Variants in KNTC1 observed in about 807,000 individuals in gnomAD.
KNTC1 encodes the protein kinetochore associated 1, also known as kinetochore-associated protein 1.
KNTC1 carries 253 observed loss-of-function variants against 314.4 expected under a neutral mutation model. The observed-to-expected ratio is 0.80, with a 90% CI of 0.73 to 0.89. The LOEUF (loss-of-function observed/expected upper bound fraction) is 0.89. Among genes scored for constraint, KNTC1 ranks in the 40% least tolerant of loss-of-function variants. The pLI, the probability that KNTC1 is intolerant of heterozygous loss-of-function variation, is 0.00. For missense variants in KNTC1, 2,475 were observed against 2,572.9 expected (o/e 0.96, Z 0.82); for synonymous variants, 901 against 901.4 (o/e 1.00, Z 0.01).
intron 11 of KNTC1, 149 bp from the exon 12 acceptor site, chr12:122,547,766 C>CT: frequency 1.6e-6 from 1 of 608,730 alleles, no homozygotes; most frequent in South Asian, 2.2e-5. Context: ...AATACAGTGT[C>CT]TATTACATTT....
intron 10 of KNTC1, 81 bp downstream of exon 10, chr12:122,546,755 T>TTAGC: frequency 1.2e-6 from 1 of 849,440 alleles, no homozygotes; most frequent in Non-Finnish European, 1.9e-6. Context: ...GGCAAGGGTT[T>TTAGC]TAGCTAGGGT....
intron 32 of KNTC1, among the ~76,000 whole-genome samples, chr12:122,580,361 A>G (rs1201193644): frequency 6.6e-6 from 1 of 152,190 alleles, no homozygotes; most frequent in Non-Finnish European, 1.5e-5. Context: ...AGAAGCTACA[A>G]TTTACTTCAG....
chr12:122,529,614 G>T (rs1370409103), intron 1 of KNTC1, among the ~76,000 whole-genome samples: 1 of 152,040 alleles, frequency 6.6e-6, no homozygotes, highest in Non-Finnish European at 1.5e-5. Context: ...TGACAATCTG[G>T]CATCTAAACC....
At chr12:122,556,302 G>A (rs1194361440) in intron 16 of KNTC1, among the ~76,000 whole-genome samples, 2 of 150,426 alleles carry the variant, frequency 1.3e-5, no homozygotes, top group African/African-American at 2.5e-5. Context: ...ACAGGTGTGC[G>A]CCACCACGCC....
chr12:122,558,894 C>G (rs1963786004), intron 18 of KNTC1, among the ~76,000 whole-genome samples: 2 of 152,002 alleles, frequency 1.3e-5, no homozygotes. Context: ...AACAAAACCT[C>G]TATGCCATTA....
chr12:122,606,280 T>G (rs1379794697), intron 51 of KNTC1, among the ~76,000 whole-genome samples: 1 of 146,216 alleles, frequency 6.8e-6, no homozygotes, highest in Non-Finnish European at 1.5e-5. Context: ...CAGTCTGGAG[T>G]GCAGTGGCGT....
intron 45 of KNTC1, 139 bp from the exon 46 acceptor site, chr12:122,602,430 T>C (rs1258867051): frequency 2.4e-5 from 14 of 589,024 alleles, no homozygotes; most frequent in Non-Finnish European, 3.9e-5. Flanking sequence ...AAGAGAATAC[T>C]AGAAAAGGTT....
intron 48 of KNTC1, among the ~76,000 whole-genome samples, chr12:122,603,852 A>G (rs1872272835): frequency 6.6e-6 from 1 of 152,206 alleles, no homozygotes; most frequent in Non-Finnish European, 1.5e-5. Flanking sequence ...GTGCACAAGC[A>G]TAGGCACTCA....
At chr12:122,597,047 T>A (rs1195060766) in intron 43 of KNTC1, among the ~76,000 whole-genome samples, 2 of 152,234 alleles carry the variant, frequency 1.3e-5, no homozygotes, top group East Asian at 3.9e-4. Flanking sequence ...CTTATAGATA[T>A]AAACTGTTTT....
rs1565931372 is a variant in KNTC1, at chr12:122,538,423, A to G, written c.335A>G (p.His112Arg). Residue 112 changes from histidine (H) to arginine (R), a missense_variant, in exon 4 of 64, where the codon CAT becomes CGT. His to Arg is a conservative substitution (Grantham distance 29). Coordinates refer to ENST00000333479, the MANE Select transcript of KNTC1 (RefSeq NM_014708.6). ...AGAAGTGGCAACCTACATCTTATTC[A>G]TGTAACATCAAAACAAACACTACTC... Reference protein sequence around the residue: ...GERSGNLHLIHVTSKQTLLTN... With the variant: ...GERSGNLHLIRVTSKQTLLTN... 6.3e-7 allele frequency: 1 copy of G among 1,598,818 alleles called. No individual in the cohort carries two copies. The highest frequency in any genetic ancestry group is 8.5e-7 in the Non-Finnish European group (1 of 1,171,748).
intron 16 of KNTC1, among the ~76,000 whole-genome samples, chr12:122,554,076 A>AAAATATAT (rs370146333): frequency 1.3e-3 from 139 of 109,046 alleles, no homozygotes; most frequent in East Asian, 0.011. Context: ...AAAAAAAAAA[A>AAAATATAT]ATATATATAT....
intron 53 of KNTC1, 160 bp from the exon 54 acceptor site, chr12:122,612,952 C>T: frequency 1.7e-6 from 1 of 592,266 alleles, no homozygotes; most frequent in East Asian, 2.8e-5. Context: ...CCATGGACCA[C>T]ATGTTAAGAA....
chr12:122,547,283 G>A, intron 10 of KNTC1, 132 bp from the exon 11 acceptor site: 1 of 556,456 alleles, frequency 1.8e-6, no homozygotes, highest in Non-Finnish European at 3.2e-6. Context: ...TCTGAGGCAG[G>A]AGAATCGCTT....
chr12:122,559,842 C>G (rs906732166), intron 18 of KNTC1, among the ~76,000 whole-genome samples: 1 of 152,086 alleles, frequency 6.6e-6, no homozygotes, highest in Non-Finnish European at 1.5e-5. Flanking sequence ...CCCAAAGTGC[C>G]GCAATTATAG....
chr12:122,584,271 T>A lies in KNTC1; in HGVS notation c.3264-7T>A. The A allele has an allele frequency of 6.3e-7, 1 of 1,599,878 alleles. No individual in the cohort carries two copies. The highest frequency in any genetic ancestry group is 1.1e-5 in the South Asian group (1 of 89,370). ...TTCTAACTACCAATACTTTCTTTCT[T>A]CCAAAGCGACTTGTTTAAGTATCAC... On this transcript the variant is annotated splice_region_variant and splice_polypyrimidine_tract_variant and intron_variant, in intron 34 of 63. Coordinates refer to ENST00000333479, the MANE Select transcript of KNTC1 (RefSeq NM_014708.6).
At chr12:122,531,238 CTG>C (rs1961290343) in intron 2 of KNTC1, among the ~76,000 whole-genome samples, 1 of 152,018 alleles carries the variant, frequency 6.6e-6, no homozygotes, top group South Asian at 2.1e-4. Context: ...GTCTGTGGAA[CTG>C]TGCTGCTTTT....
In KNTC1 at chr12:122,626,311, TAC is replaced by T; in HGVS notation, c.*85_*86del. 1.1e-6 allele frequency: 1 copy of T among 942,046 alleles called. No individual in the cohort carries two copies. Among genetic ancestry groups the T allele is most frequent in the Non-Finnish European group, 1.7e-6 (1 of 596,016 alleles). The allele number at this position is 942,046 out of a possible 1,614,324, so 58.4% of individuals were successfully genotyped here. ...CATATTTATTACAGTTTTTAAATTG[TAC>T]AATCTCTGTATTATAGCTATTTGTC... On this transcript the variant is annotated 3_prime_UTR_variant, in exon 64 of 64. Transcript: ENST00000333479.
intron 43 of KNTC1, among the ~76,000 whole-genome samples, chr12:122,595,282 AAAT>A (rs1183765487): frequency 1.3e-5 from 2 of 152,248 alleles, no homozygotes; most frequent in Non-Finnish European, 2.9e-5. Flanking sequence ...TCTGTCTAGT[AAAT>A]ACAAGGACTC....
intron 3 of KNTC1, 92 bp from the exon 4 acceptor site, chr12:122,538,247 G>A (rs1962003341): frequency 1.4e-5 from 10 of 690,098 alleles, no homozygotes; most frequent in African/African-American, 3.6e-5. Flanking sequence ...TTAAGTAATC[G>A]TTGGCTTTTT....
Sources: gnomAD v4.1 joint callset for allele counts (sites outside exome capture counted in the v4.1 genomes callset) on GRCh38, gnomAD v4.1.1 for gene constraint, MANE v1.5 for transcripts, NCBI Gene and HGNC (gene_info 2026-07-23, HGNC 2026-07-21) for gene names.